The following ABCC4 variants were observed in gnomAD, a reference collection of about 807,000 sequenced individuals.
The protein encoded by ABCC4 is ATP-binding cassette sub-family C member 4.
In ABCC4, 102 loss-of-function variants were observed where a neutral mutation model predicts 168.5. That is an observed-to-expected ratio of 0.61 (90% CI 0.52 to 0.71). ABCC4 has a LOEUF of 0.71. Ranked by LOEUF, ABCC4 falls within the 30% of genes least tolerant of loss-of-function variation. The probability of loss-of-function intolerance (pLI) is 0.00; values close to 1 mark genes in which losing one functional copy is unlikely to be tolerated. For missense variants in ABCC4, 1,402 were observed against 1,605.8 expected (o/e 0.87, Z 2.17); for synonymous variants, 617 against 590.7 (o/e 1.04, Z -0.65).
At chr13:95,241,735 T>C (rs1396517020) in intron 3 of ABCC4, among the ~76,000 whole-genome samples, 1 of 151,328 alleles carries the variant, frequency 6.6e-6, no homozygotes, top group Admixed American at 6.6e-5. Context: ...ACTCTGACAA[T>C]CGTTCCTAAT....
At chr13:95,069,835 C>T (rs751692807) in intron 25 of ABCC4, among the ~76,000 whole-genome samples, 13 of 152,192 alleles carry the variant, frequency 8.5e-5, no homozygotes, top group Non-Finnish European at 1.5e-4. Flanking sequence ...ATTATGCGTG[C>T]GTATCACATT....
At chr13:95,294,404 C>A (rs912505328) in intron 1 of ABCC4, among the ~76,000 whole-genome samples, 5 of 152,040 alleles carry the variant, frequency 3.3e-5, no homozygotes, top group Non-Finnish European at 7.4e-5. Flanking sequence ...TATTGTCATG[C>A]TATAGTCCCC....
At chr13:95,164,818 C>G (rs2037219868) in intron 15 of ABCC4, among the ~76,000 whole-genome samples, 1 of 152,144 alleles carries the variant, frequency 6.6e-6, no homozygotes, top group African/African-American at 2.4e-5. Flanking sequence ...CCTCAGCCTC[C>G]TGAGTAGCAG....
intron 19 of ABCC4, among the ~76,000 whole-genome samples, chr13:95,145,950 G>A (rs559611254): frequency 9.2e-5 from 14 of 152,180 alleles, no homozygotes; most frequent in African/African-American, 2.9e-4. Context: ...AGTGGCTCAC[G>A]GCTGTAATCC....
chr13:95,223,622 C>T (rs1194423351), intron 4 of ABCC4, among the ~76,000 whole-genome samples: 2 of 152,186 alleles, frequency 1.3e-5, no homozygotes, highest in Non-Finnish European at 2.9e-5. Flanking sequence ...CTGCCTCAGC[C>T]TCCTGAGTAA....
intron 1 of ABCC4, among the ~76,000 whole-genome samples, chr13:95,266,605 G>C (rs756742363): frequency 6.6e-6 from 1 of 152,178 alleles, no homozygotes; most frequent in Non-Finnish European, 1.5e-5. Flanking sequence ...CACGCAGTTT[G>C]CATGTGACAG....
At chr13:95,164,197 C>T (rs553950659) in intron 16 of ABCC4, among the ~76,000 whole-genome samples, 181 bp downstream of exon 16, 1 of 152,068 alleles carries the variant, frequency 6.6e-6, no homozygotes, top group East Asian at 1.9e-4. Flanking sequence ...TTGAAAGATA[C>T]CCTTTTTTCG....
At position 95,234,613 on chromosome 13, in the gene ABCC4, C is replaced by A. The variant is rs1328531977; in HGVS notation, c.528G>T (p.Arg176=). 4 of 1,612,668 alleles carry A rather than the reference C, an allele frequency of 2.5e-6. No homozygotes were observed. The Admixed American group carries it at 6.7e-5, about 27-fold the overall frequency. The change falls in exon 4 of 31, where the codon CGG becomes CGT. Residue 176 remains arginine, a synonymous_variant. Coordinates refer to ENST00000645237, the MANE Select transcript of ABCC4 (RefSeq NM_005845.5). ...LRVAMCHMIY[R]KALRLSNMAM... is the part of the protein sequence containing the mutation. ...TTTAATGCTGAATGTCACTTACCTT[C>A]CGATAAATCATATGGCACATGGCTA...
intron 20 of ABCC4, among the ~76,000 whole-genome samples, chr13:95,095,526 T>C (rs2034565759): frequency 6.6e-6 from 1 of 152,176 alleles, no homozygotes; most frequent in South Asian, 2.1e-4. Context: ...CAATGGACTT[T>C]GGGGGTTTAG....
chr13:95,215,914 G>GAAACAAAC (rs111916560), intron 4 of ABCC4, among the ~76,000 whole-genome samples: 2 of 151,578 alleles, frequency 1.3e-5, no homozygotes, highest in African/African-American at 4.8e-5. Flanking sequence ...CAACACCAAA[G>GAAACAAAC]AAACAAACAA....
chr13:95,081,669 T>C (rs1421892093), intron 21 of ABCC4, among the ~76,000 whole-genome samples: 1 of 152,202 alleles, frequency 6.6e-6, no homozygotes. Context: ...CTGTCACCCC[T>C]TCTACTTCAT....
intron 1 of ABCC4, among the ~76,000 whole-genome samples, chr13:95,264,069 G>A (rs2040605692): frequency 6.6e-6 from 1 of 152,102 alleles, no homozygotes; most frequent in Non-Finnish European, 1.5e-5. Context: ...CCAAACCTGG[G>A]ACAATCTGAG....
At chr13:95,296,051 T>A (rs1178081905) in intron 1 of ABCC4, among the ~76,000 whole-genome samples, 1 of 150,818 alleles carries the variant, frequency 6.6e-6, no homozygotes, top group Non-Finnish European at 1.5e-5. Flanking sequence ...AAGGATCACT[T>A]AAGCCTAGGA....
chr13:95,247,598 G>A lies in ABCC4; in HGVS notation c.185+45C>T, dbSNP rs1475469105. 7.4e-6 allele frequency: 11 copies of A among 1,477,018 alleles called. No homozygotes were observed. In the Admixed American group the frequency reaches 8.4e-5, roughly 11 times the overall value. The allele number at this position is 1,477,018 out of a possible 1,614,324, so 91.5% of individuals were successfully genotyped here. A position where few individuals can be genotyped will look rare whatever the true frequency, so the allele number is the denominator to read the frequency against. On this transcript the variant is annotated intron_variant, in intron 2 of 30. Transcript: ENST00000645237. Reference sequence around the variant, plus strand: ...AGGCAAAACCCACTCCCCACACACAGACACCCACGCTTCCTTAATGCCCAC... The same window carrying A: ...AGGCAAAACCCACTCCCCACACACAAACACCCACGCTTCCTTAATGCCCAC...
chr13:95,192,930 A>C (rs117884788), intron 9 of ABCC4, among the ~76,000 whole-genome samples: 1,994 of 152,296 alleles, frequency 0.013, 16 homozygotes, highest in Non-Finnish European at 0.022. Flanking sequence ...AAAACAAATA[A>C]ATAAATAAAT....
At chr13:95,070,143 T>C (rs1309032756) in intron 25 of ABCC4, among the ~76,000 whole-genome samples, 4 of 151,946 alleles carry the variant, frequency 2.6e-5, no homozygotes, top group Non-Finnish European at 4.4e-5. Context: ...ACGGGGGAGG[T>C]TGAAGCAGGA....
chr13:95,264,579 T>C (rs2040618632), intron 1 of ABCC4, among the ~76,000 whole-genome samples: 2 of 152,176 alleles, frequency 1.3e-5, no homozygotes, highest in African/African-American at 4.8e-5. Flanking sequence ...CTTTGAAGAA[T>C]ATTCTAGAAT....
intron 9 of ABCC4, among the ~76,000 whole-genome samples, chr13:95,190,117 G>A (rs954793650): frequency 6.6e-6 from 1 of 152,094 alleles, no homozygotes; most frequent in Non-Finnish European, 1.5e-5. Flanking sequence ...GATGGAGGTG[G>A]GAGGATCACT....
At chr13:95,127,599 C>A (rs1056450045) in intron 19 of ABCC4, among the ~76,000 whole-genome samples, 15 of 152,216 alleles carry the variant, frequency 9.9e-5, no homozygotes, top group African/African-American at 2.9e-4. Flanking sequence ...CTTTTAATAT[C>A]TGCCTCTTTC....
Sources: allele counts gnomAD v4.1 joint callset (sites outside exome capture counted in the v4.1 genomes callset), GRCh38; gene constraint gnomAD v4.1.1; transcripts MANE v1.5; gene names NCBI Gene and HGNC (gene_info 2026-07-23, HGNC 2026-07-21).